AGBL1: variants seen among roughly 807,000 people sequenced by gnomAD.
AGBL1 encodes the protein AGBL carboxypeptidase 1, also known as cytosolic carboxypeptidase 4.
AGBL1 carries 130 observed loss-of-function variants against 118.9 expected under a neutral mutation model. That is an observed-to-expected ratio of 1.09 (90% CI 0.95 to 1.26). The LOEUF (loss-of-function observed/expected upper bound fraction) is 1.26. AGBL1 is among the 50% of genes most tolerant of loss of function. The pLI is 0.00. For synonymous variants in AGBL1, 555 were observed against 478.9 expected, an observed-to-expected ratio of 1.16 and a Z score of -2.08; for missense variants, 1,584 against 1,298.1, an observed-to-expected ratio of 1.22 and a Z score of -3.38.
chr15:86,584,447 T>C (rs2084217526), intron 21 of AGBL1, among the ~76,000 whole-genome samples: 1 of 152,204 alleles, frequency 6.6e-6, no homozygotes, highest in African/African-American at 2.4e-5. Context: ...AAGGGAGTAC[T>C]TTCCCCATTG....
chr15:86,734,520 A>G (rs564660694), intron 22 of AGBL1, among the ~76,000 whole-genome samples: 28 of 152,264 alleles, frequency 1.8e-4, no homozygotes, highest in African/African-American at 6.5e-4. Flanking sequence ...CAGGTCTGCA[A>G]GAGGTGAGAG....
chr15:86,768,982 A>G lies in AGBL1; in HGVS notation c.3158+94546A>G, dbSNP rs535609176. ...TTTTAACCTACTTGCTAGATAACAT[A>G]GACCCCTGGGTTAGAGACAAAGACA... On this transcript the variant is annotated intron_variant, in intron 22 of 22. Coordinates refer to ENST00000614907, the MANE Select transcript of AGBL1 (RefSeq NM_001386094.1). Among the ~76,000 whole-genome samples, 5 of 152,114 alleles carry G rather than the reference A, an allele frequency of 3.3e-5. No homozygotes were observed. In the South Asian group the frequency reaches 1.0e-3, roughly 31 times the overall value.
intron 22 of AGBL1, among the ~76,000 whole-genome samples, chr15:86,833,088 G>A (rs1299585725): frequency 6.6e-6 from 1 of 152,098 alleles, no homozygotes; most frequent in Non-Finnish European, 1.5e-5. Context: ...CTTAATCACA[G>A]CATGGAAAAG....
At chr15:86,587,215 G>T (rs568390671) in intron 21 of AGBL1, among the ~76,000 whole-genome samples, 1 of 152,134 alleles carries the variant, frequency 6.6e-6, no homozygotes, top group East Asian at 1.9e-4. Context: ...ACTGAGGCAC[G>T]GACAGGATGA....
chr15:86,093,528 T>A (rs1048006440), intron 1 of AGBL1, among the ~76,000 whole-genome samples: 4 of 152,098 alleles, frequency 2.6e-5, no homozygotes, highest in Non-Finnish European at 5.9e-5. Flanking sequence ...GAAGCTAAGT[T>A]TGAAATTTTT....
At chr15:86,998,793 AAGTT>A (rs1267262481) in intron 24 of AGBL1, among the ~76,000 whole-genome samples, 3 of 152,088 alleles carry the variant, frequency 2.0e-5, no homozygotes, top group South Asian at 2.1e-4. Context: ...CACTTCTGAC[AAGTT>A]AGTTAGCTCA....
At chr15:86,485,965 G>T (rs960273985) in intron 18 of AGBL1, among the ~76,000 whole-genome samples, 2 of 152,008 alleles carry the variant, frequency 1.3e-5, no homozygotes, top group African/African-American at 2.4e-5. Flanking sequence ...ACTCAGAAAG[G>T]CAGGATTGCA....
At chr15:86,664,187 A>T (rs1451480280) in intron 21 of AGBL1, among the ~76,000 whole-genome samples, 1 of 152,180 alleles carries the variant, frequency 6.6e-6, no homozygotes, top group Non-Finnish European at 1.5e-5. Context: ...CACACAGAGG[A>T]GGCTTTATAC....
chr15:86,834,247 T>C (rs919747197), intron 22 of AGBL1, among the ~76,000 whole-genome samples: 2 of 152,070 alleles, frequency 1.3e-5, no homozygotes, highest in African/African-American at 4.8e-5. Context: ...GCAAGGTAAC[T>C]AAGAGTTCAG....
intron 18 of AGBL1, among the ~76,000 whole-genome samples, chr15:86,508,707 C>T (rs2083014518): frequency 6.6e-6 from 1 of 151,924 alleles, no homozygotes; most frequent in Non-Finnish European, 1.5e-5. Context: ...TAACTGAGAT[C>T]CATTAAATGT....
chr15:86,447,679 A>G (rs2082139150), intron 18 of AGBL1, among the ~76,000 whole-genome samples: 5 of 152,228 alleles, frequency 3.3e-5, no homozygotes, highest in Admixed American at 3.3e-4. Flanking sequence ...AATAAGCATG[A>G]ACCAGACACT....
At chr15:86,731,433 G>A (rs1486499685) in intron 22 of AGBL1, among the ~76,000 whole-genome samples, 1 of 152,114 alleles carries the variant, frequency 6.6e-6, no homozygotes, top group Non-Finnish European at 1.5e-5. Flanking sequence ...ATTGTGCTGC[G>A]ATCTTTCTGC....
At chr15:86,286,735 G>GTATATATATATATATATATATATATATA (rs535707426) in intron 16 of AGBL1, among the ~76,000 whole-genome samples, 11 of 106,294 alleles carry the variant, frequency 1.0e-4, no homozygotes, top group East Asian at 9.8e-4. Flanking sequence ...GTTTGTGTGT[G>GTATATATATATATATATATATATATATA]TATATATATA....
intron 22 of AGBL1, among the ~76,000 whole-genome samples, chr15:86,776,461 CTTA>C (rs1473828672): frequency 1.3e-5 from 2 of 152,010 alleles, no homozygotes; most frequent in Non-Finnish European, 2.9e-5. Context: ...CTGTGAGTCA[CTTA>C]TTAATATGCT....
intron 21 of AGBL1, among the ~76,000 whole-genome samples, chr15:86,589,135 C>G (rs1317556984): frequency 6.6e-6 from 1 of 152,012 alleles, no homozygotes; most frequent in Non-Finnish European, 1.5e-5. Context: ...CATTTTAGAA[C>G]AGAATGAAGT....
At chr15:86,778,589 G>A (rs1009940941) in intron 22 of AGBL1, among the ~76,000 whole-genome samples, 2 of 152,178 alleles carry the variant, frequency 1.3e-5, no homozygotes, top group Non-Finnish European at 2.9e-5. Flanking sequence ...TGAAAGAAGA[G>A]AAATATGGCT....
intron 17 of AGBL1, among the ~76,000 whole-genome samples, chr15:86,333,353 T>C (rs537484289): frequency 6.6e-6 from 1 of 152,212 alleles, no homozygotes; most frequent in East Asian, 1.9e-4. Context: ...AAAGGTGACA[T>C]CACAAGTAAT....
intron 22 of AGBL1, among the ~76,000 whole-genome samples, chr15:86,737,494 C>T (rs947142189): frequency 6.6e-6 from 1 of 152,140 alleles, no homozygotes; most frequent in Non-Finnish European, 1.5e-5. Context: ...GTTTCAAAAG[C>T]CTAACAAAGT....
chr15:86,300,827 C>T (rs2079733639), intron 17 of AGBL1, among the ~76,000 whole-genome samples: 1 of 152,096 alleles, frequency 6.6e-6, no homozygotes, highest in Non-Finnish European at 1.5e-5. Flanking sequence ...ATTCAGCCTG[C>T]CATTATGCTA....
Sources: gnomAD v4.1 joint callset for allele counts (sites outside exome capture counted in the v4.1 genomes callset) on GRCh38, gnomAD v4.1.1 for gene constraint, MANE v1.5 for transcripts, NCBI Gene and HGNC (gene_info 2026-07-23, HGNC 2026-07-21) for gene names.